The following TDRD5 variants were observed in gnomAD, a reference collection of about 807,000 sequenced individuals.
The protein encoded by TDRD5 is tudor domain containing 5, also known as tudor domain-containing protein 5.
In TDRD5, 41 loss-of-function variants were observed where a neutral mutation model predicts 120.6. The ratio of observed to expected loss-of-function variants is 0.34; its 90% CI spans 0.26 to 0.44. The LOEUF is 0.44. TDRD5 is among the 20% of genes least tolerant of loss of function. The pLI is 1.00. For synonymous variants in TDRD5, 430 were observed against 433.7 expected (o/e 0.99, Z 0.11); for missense variants, 1,006 against 1,221.2 (o/e 0.82, Z 2.63).
At chr1:179,669,810 CT>C (rs1679762042) in intron 17 of TDRD5, among the ~76,000 whole-genome samples, 2 of 152,284 alleles carry the variant, frequency 1.3e-5, no homozygotes, top group South Asian at 4.1e-4. Flanking sequence ...GTCACTTTCC[CT>C]TTTCTAGAAT....
chr1:179,605,533 G>C (rs974808959), intron 4 of TDRD5, among the ~76,000 whole-genome samples: 1 of 152,128 alleles, frequency 6.6e-6, no homozygotes, highest in African/African-American at 2.4e-5. Flanking sequence ...TGCAGGTTTT[G>C]ACAAATATGT....
At chr1:179,635,644 A>G in intron 8 of TDRD5, 23 bp from the exon 9 acceptor site, 1 of 1,601,062 alleles carries the variant, frequency 6.2e-7, no homozygotes, top group South Asian at 1.1e-5. Flanking sequence ...AGAGATTTTT[A>G]ATTTTTTTTT....
Position 179,654,278 on chromosome 1 carries a change from G to C in TDRD5, c.2238G>C (p.Glu746Asp), listed in dbSNP as rs1267085445. ...AGCCATTAAAGGATTCTGAATTTGA[G>C]TCTTTGAAAACCTGTAATAAGAGCT... The part of the protein sequence containing the change: ...SKEPLKDSEF[E>D]SLKTCNKSFE... Residue 746 changes from glutamate to aspartate, a missense_variant, in exon 14 of 18, where the codon GAG becomes GAC. Coordinates refer to ENST00000444136, the MANE Select transcript of TDRD5 (RefSeq NM_001199085.3). 1.3e-6 allele frequency: 2 copies of C among 1,549,876 alleles called. No homozygotes were observed. The highest frequency in any genetic ancestry group is 3.9e-5 in the Admixed American group (2 of 50,990).
chr1:179,593,857 A>G lies in TDRD5; in HGVS notation c.630A>G (p.Gly210=), dbSNP rs768336028. Residue 210 remains glycine (G), a synonymous_variant, in exon 3 of 18, where the codon GGA becomes GGG. Coordinates refer to ENST00000444136, the MANE Select transcript of TDRD5 (RefSeq NM_001199085.3). ...GTGTAACAGAGGAAAAGCCGAGAGGATGTCCAGCAGGTACGCATGTGAGCA... is the reference window on the plus strand; with the variant it reads ...GTGTAACAGAGGAAAAGCCGAGAGGGTGTCCAGCAGGTACGCATGTGAGCA... The part of the protein sequence containing the change: ...KKSVTEEKPR[G]CPAGKIFTQP... 8.1e-6 allele frequency: 13 copies of G among 1,612,750 alleles called. No individual in the cohort carries two copies. Among genetic ancestry groups the G allele is most frequent in the Middle Eastern group, 1.6e-4 (1 of 6,080 alleles).
At chr1:179,611,063 A>C (rs1462153597) in intron 4 of TDRD5, among the ~76,000 whole-genome samples, 1 of 149,350 alleles carries the variant, frequency 6.7e-6, no homozygotes, top group Non-Finnish European at 1.5e-5. Context: ...ATGTTGTGAT[A>C]CTTTTTTTTT....
At chr1:179,653,172 C>T (rs1678812003) in intron 13 of TDRD5, among the ~76,000 whole-genome samples, 1 of 152,154 alleles carries the variant, frequency 6.6e-6, no homozygotes, top group Non-Finnish European at 1.5e-5. Context: ...ACAACAGATA[C>T]TGGGCTAAGA....
In TDRD5 at chr1:179,595,714, A is replaced by C. The variant is rs200507631; in HGVS notation, c.727A>C (p.Thr243Pro). The C allele has an allele frequency of 1.1e-5, 17 of 1,613,806 alleles. No individual in the cohort carries two copies. In the South Asian group the frequency reaches 1.9e-4, roughly 18 times the overall value. The stretch of plus-strand genomic sequence containing the variant: ...AGCAAAGCCATGCTTTTCACAACCC[A>C]CTTCAAACATGGAACCACCGAAGCA... ...PVAKPCFSQP[T>P]SNMEPPKQIM... The change falls in exon 4 of 18, where the codon ACT (threonine) becomes CCT (proline). Residue 243 changes from threonine to proline, a missense_variant. Around this residue, in one of 3 missense-constraint regions of TDRD5, gnomAD observed 445 missense variants for 515.5 expected, o/e 0.86. Coordinates refer to ENST00000444136, the MANE Select transcript of TDRD5 (RefSeq NM_001199085.3).
At chr1:179,689,563 A>G (rs547200291) in intron 17 of TDRD5, among the ~76,000 whole-genome samples, 1 of 152,294 alleles carries the variant, frequency 6.6e-6, no homozygotes, top group African/African-American at 2.4e-5. Context: ...TGGGAGAACC[A>G]CTACTCTCTT....
intron 17 of TDRD5, among the ~76,000 whole-genome samples, chr1:179,672,578 G>A (rs1679913643): frequency 6.6e-6 from 1 of 152,122 alleles, no homozygotes; most frequent in African/African-American, 2.4e-5. Flanking sequence ...TTCTTTTGCT[G>A]TACAGAAGCT....
rs1675346443 is a variant in TDRD5, at chr1:179,595,610, T to C, written c.641-18T>C. 1 of 1,535,860 alleles carries C rather than the reference T, an allele frequency of 6.5e-7. No individual in the cohort carries two copies. On this transcript the variant is annotated intron_variant, in intron 3 of 17. Coordinates refer to ENST00000444136, the MANE Select transcript of TDRD5 (RefSeq NM_001199085.3). ...TGCTAGTGACAATTTTTCTTTCTTC[T>C]TCTATTACTCACAAAAGGTAAAATT...
chr1:179,671,237 A>G lies in TDRD5; in HGVS notation c.2860+1833A>G, dbSNP rs79385128. On this transcript the variant is annotated intron_variant, in intron 17 of 17. Coordinates refer to ENST00000444136, the MANE Select transcript of TDRD5 (RefSeq NM_001199085.3). The stretch of plus-strand genomic sequence containing the variant: ...TTTTTGTACTACTATCTTAATTACC[A>G]TGGCTTTATAATAAGTCTTGAAATC... 1.7e-3 allele frequency among the ~76,000 whole-genome samples: 258 copies of G among 152,262 alleles called. 3 individuals carry two copies. The highest frequency in any genetic ancestry group is 0.014 in the East Asian group (71 of 5,186).
At chr1:179,678,123 C>A (rs939787901) in intron 17 of TDRD5, among the ~76,000 whole-genome samples, 7 of 152,064 alleles carry the variant, frequency 4.6e-5, no homozygotes, top group Admixed American at 1.3e-4. Context: ...AGTGGAATTA[C>A]ACCCCCAGGG....
intron 4 of TDRD5, among the ~76,000 whole-genome samples, chr1:179,609,932 C>T (rs1041551148): frequency 2.0e-5 from 3 of 152,152 alleles, no homozygotes; most frequent in Admixed American, 6.5e-5. Flanking sequence ...GCATCCTCAT[C>T]ATCTCAGAAT....
intron 4 of TDRD5, among the ~76,000 whole-genome samples, chr1:179,605,715 A>G (rs1675937813): frequency 6.6e-6 from 1 of 152,178 alleles, no homozygotes; most frequent in African/African-American, 2.4e-5. Context: ...TTGGACTTCT[A>G]CAGCATGTAG....
At chr1:179,606,421 A>G (rs1302780904) in intron 4 of TDRD5, among the ~76,000 whole-genome samples, 6 of 151,970 alleles carry the variant, frequency 3.9e-5, no homozygotes, top group Non-Finnish European at 8.8e-5. Flanking sequence ...CTTGTCTTAC[A>G]GAGAAGTAGT....
chr1:179,644,481 G>A (rs1558401771), intron 11 of TDRD5, among the ~76,000 whole-genome samples: 1 of 151,950 alleles, frequency 6.6e-6, no homozygotes, highest in Non-Finnish European at 1.5e-5. Flanking sequence ...TTGTTTATAT[G>A]TAATACTCAT....
intron 7 of TDRD5, among the ~76,000 whole-genome samples, chr1:179,632,421 C>G (rs1036771908): frequency 6.8e-6 from 1 of 147,456 alleles, no homozygotes; most frequent in African/African-American, 2.5e-5. Context: ...CAAAATGTAA[C>G]TACCTTTATT....
chr1:179,631,257 T>C (rs998326813), intron 7 of TDRD5, among the ~76,000 whole-genome samples: 6 of 151,896 alleles, frequency 4.0e-5, no homozygotes, highest in African/African-American at 1.4e-4. Context: ...CCAGGCGTGG[T>C]GGTGGGCGCC....
intron 17 of TDRD5, among the ~76,000 whole-genome samples, chr1:179,688,987 G>GAAC (rs1170031754): frequency 6.6e-6 from 1 of 152,040 alleles, no homozygotes; most frequent in African/African-American, 2.4e-5. Flanking sequence ...CTATGGGTTC[G>GAAC]AACATCCTCC....
Sources: allele counts gnomAD v4.1 joint callset (sites outside exome capture counted in the v4.1 genomes callset), GRCh38; gene constraint gnomAD v4.1.1; regional missense constraint gnomAD v4.1.1; transcripts MANE v1.5; gene names NCBI Gene and HGNC (gene_info 2026-07-23, HGNC 2026-07-21).